Variants in SLC4A10 observed in about 807,000 individuals in gnomAD.
SLC4A10 encodes solute carrier family 4 member 10.
A neutral mutation model predicts 137.7 loss-of-function variants in SLC4A10; 42 were observed. The ratio of observed to expected loss-of-function variants is 0.30; its 90% CI spans 0.24 to 0.39. The LOEUF is 0.39. SLC4A10 is among the 10% of genes least tolerant of loss of function. The pLI, the probability that SLC4A10 is intolerant of heterozygous loss-of-function variation, is 1.00. For synonymous variants in SLC4A10, 474 were observed against 464.1 expected (o/e 1.02, Z -0.27); for missense variants, 925 against 1,355.0 (o/e 0.68, Z 4.98).
At chr2:161,815,686 TTTAA>T (rs2056989695) in intron 3 of SLC4A10, among the ~76,000 whole-genome samples, 1 of 152,160 alleles carries the variant, frequency 6.6e-6, no homozygotes, top group African/African-American at 2.4e-5. Context: ...AGGATTTTTA[TTTAA>T]TTAATCTTGG....
chr2:161,853,248 G>C (rs2059926459), intron 4 of SLC4A10, among the ~76,000 whole-genome samples: 1 of 151,968 alleles, frequency 6.6e-6, no homozygotes, highest in Non-Finnish European at 1.5e-5. Flanking sequence ...TTTATTTATG[G>C]CTCACAATTC....
At chr2:161,959,843 T>G (rs1696318328) in intron 21 of SLC4A10, among the ~76,000 whole-genome samples, 1 of 152,216 alleles carries the variant, frequency 6.6e-6, no homozygotes, top group Non-Finnish European at 1.5e-5. Flanking sequence ...AAGTGTATTC[T>G]AAATTTTTAC....
At chr2:161,826,558 C>G (rs1575150550) in intron 3 of SLC4A10, among the ~76,000 whole-genome samples, 2 of 152,096 alleles carry the variant, frequency 1.3e-5, no homozygotes, top group East Asian at 1.9e-4. Context: ...AGTATTTTCA[C>G]TGATTATTAG....
chr2:161,928,071 A>C (rs1401080908), intron 15 of SLC4A10, among the ~76,000 whole-genome samples: 10 of 150,718 alleles, frequency 6.6e-5, no homozygotes, highest in Admixed American at 6.0e-4. Flanking sequence ...ACACATGCAC[A>C]CGTATGTTTA....
chr2:161,853,742 A>T (rs529741268), intron 4 of SLC4A10, among the ~76,000 whole-genome samples: 1 of 152,216 alleles, frequency 6.6e-6, no homozygotes, highest in Non-Finnish European at 1.5e-5. Context: ...TCAATATGGC[A>T]TATCTATTCT....
intron 1 of SLC4A10, among the ~76,000 whole-genome samples, chr2:161,697,907 G>A (rs564002453): frequency 1.4e-4 from 21 of 152,218 alleles, no homozygotes; most frequent in South Asian, 6.2e-4. Flanking sequence ...CCGTATGGCC[G>A]TTTTCACAAT....
intron 7 of SLC4A10, 150 bp from the exon 8 acceptor site, chr2:161,873,766 A>G: frequency 3.0e-6 from 2 of 670,262 alleles, no homozygotes; most frequent in Non-Finnish European, 4.9e-6. Flanking sequence ...AAAGATTAAT[A>G]GTGATCAGCT....
chr2:161,862,766 A>G (rs1423255562), intron 5 of SLC4A10, 108 bp from the exon 6 acceptor site: 2 of 785,364 alleles, frequency 2.5e-6, no homozygotes, highest in Non-Finnish European at 3.6e-6. Context: ...TTCTATTTCA[A>G]GATGAATAAT....
At chr2:161,974,104 G>A (rs1017965552) in intron 23 of SLC4A10, 145 bp from the exon 24 acceptor site, 1 of 503,578 alleles carries the variant, frequency 2.0e-6, no homozygotes, top group Non-Finnish European at 3.4e-6. Context: ...TTTATTGAAA[G>A]GACCTGTGCT....
At chr2:161,882,916 A>G (rs1314328606) in intron 10 of SLC4A10, among the ~76,000 whole-genome samples, 2 of 152,138 alleles carry the variant, frequency 1.3e-5, no homozygotes, top group Middle Eastern at 3.2e-3. Flanking sequence ...ACTATTAGAG[A>G]AGCTGTAGAT....
chr2:161,655,418 G>T (rs980241125), intron 1 of SLC4A10, among the ~76,000 whole-genome samples: 1 of 152,144 alleles, frequency 6.6e-6, no homozygotes, highest in Non-Finnish European at 1.5e-5. Flanking sequence ...TGACGAGAAT[G>T]GTCATCCCTG....
At chr2:161,900,552 T>C (rs1175291326) in intron 11 of SLC4A10, among the ~76,000 whole-genome samples, 2 of 152,086 alleles carry the variant, frequency 1.3e-5, no homozygotes, top group African/African-American at 4.8e-5. Flanking sequence ...TTATTGTCTC[T>C]TCACTAACAG....
chr2:161,953,384 T>C (rs1274123245), intron 19 of SLC4A10, among the ~76,000 whole-genome samples: 3 of 151,974 alleles, frequency 2.0e-5, no homozygotes, highest in Non-Finnish European at 4.4e-5. Context: ...CCGAGACAGG[T>C]GGATCACGAG....
chr2:161,930,904 T>TTTTTGTTTTGTTTTG (rs370252753), intron 15 of SLC4A10, among the ~76,000 whole-genome samples: 2,576 of 148,048 alleles, frequency 0.017, 36 homozygotes, highest in Admixed American at 0.025. Flanking sequence ...CTGCCACATG[T>TTTTTGTTTTGTTTTG]TTTTGTTTTG....
chr2:161,949,768 G>T (rs1189435595), intron 18 of SLC4A10, among the ~76,000 whole-genome samples: 1 of 151,510 alleles, frequency 6.6e-6, no homozygotes, highest in Non-Finnish European at 1.5e-5. Context: ...ATATGTTTGG[G>T]GTGGGGCCCA....
At chr2:161,735,312 T>C (rs1181088031) in intron 1 of SLC4A10, among the ~76,000 whole-genome samples, 2 of 151,626 alleles carry the variant, frequency 1.3e-5, no homozygotes, top group Admixed American at 6.6e-5. Context: ...AAATTCTTTT[T>C]CATTAGCAAA....
intron 1 of SLC4A10, among the ~76,000 whole-genome samples, chr2:161,755,192 T>C (rs776303304): frequency 2.0e-5 from 3 of 152,212 alleles, no homozygotes; most frequent in Non-Finnish European, 4.4e-5. Flanking sequence ...CTAAATTTCT[T>C]CCAGATCTTT....
chr2:161,958,654 A>C, intron 21 of SLC4A10, 99 bp downstream of exon 21: 2 of 774,934 alleles, frequency 2.6e-6, no homozygotes, highest in South Asian at 1.9e-5. Context: ...CACCTGAGGA[A>C]CAGCTTTTAG....
intron 3 of SLC4A10, among the ~76,000 whole-genome samples, chr2:161,827,595 G>A (rs1310511559): frequency 6.7e-6 from 1 of 149,366 alleles, no homozygotes; most frequent in Admixed American, 6.7e-5. Flanking sequence ...ACGGAGTCTC[G>A]CTCTGTCAAC....
Sources: gnomAD v4.1 joint callset for allele counts (sites outside exome capture counted in the v4.1 genomes callset) on GRCh38, gnomAD v4.1.1 for gene constraint, MANE v1.5 for transcripts, NCBI Gene and HGNC (gene_info 2026-07-23, HGNC 2026-07-21) for gene names.